Variants in MDFIC observed in about 807,000 individuals in gnomAD.
MDFIC encodes myoD family inhibitor domain-containing protein.
MDFIC carries 17 observed loss-of-function variants against 23.2 expected under a neutral mutation model. The observed-to-expected ratio is 0.73, with a 90% confidence interval of 0.50 to 1.10. The LOEUF is 1.10. Ranked by LOEUF, MDFIC falls within the 50% of genes least tolerant of loss-of-function variation. MDFIC has a pLI of 0.00. For missense variants in MDFIC, 356 were observed against 316.6 expected (o/e 1.12, Z -0.95); for synonymous variants, 120 against 115.2 (o/e 1.04, Z -0.27).
intron 3 of MDFIC, among the ~76,000 whole-genome samples, chr7:114,956,337 T>TTATATATATATACACACACACA (rs1259581716): frequency 7.0e-6 from 1 of 142,188 alleles, no homozygotes; most frequent in Non-Finnish European, 1.6e-5. Context: ...TACATAAATA[T>TTATATATATATACACACACACA]TATATATATA....
intron 3 of MDFIC, among the ~76,000 whole-genome samples, chr7:114,955,713 G>A (rs1792870424): frequency 6.6e-6 from 1 of 152,186 alleles, no homozygotes. Flanking sequence ...TAGTTAAGCT[G>A]TGGTAATTTG....
At chr7:114,962,434 A>G (rs1793012324) in intron 3 of MDFIC, among the ~76,000 whole-genome samples, 1 of 152,230 alleles carries the variant, frequency 6.6e-6, no homozygotes, top group Admixed American at 6.5e-5. Flanking sequence ...CCAGATATAT[A>G]GACATTTAAT....
chr7:115,002,994 T>C (rs1379577224), intron 4 of MDFIC, among the ~76,000 whole-genome samples: 1 of 152,174 alleles, frequency 6.6e-6, no homozygotes, highest in African/African-American at 2.4e-5. Flanking sequence ...CGGTCCCTGT[T>C]CCCTCACTTT....
intron 4 of MDFIC, among the ~76,000 whole-genome samples, chr7:115,005,052 G>T (rs1791542300): frequency 1.3e-5 from 2 of 152,158 alleles, no homozygotes; most frequent in Admixed American, 6.5e-5. Flanking sequence ...CCTGTTCAAG[G>T]CCAAGAAAAT....
chr7:114,983,453 G>A (rs1793452274), intron 4 of MDFIC, among the ~76,000 whole-genome samples: 1 of 151,926 alleles, frequency 6.6e-6, no homozygotes, highest in Non-Finnish European at 1.5e-5. Context: ...ACAGAGGTAG[G>A]GTTTGAACCA....
At chr7:114,991,111 AT>A in intron 4 of MDFIC, among the ~76,000 whole-genome samples, 1 of 151,914 alleles carries the variant, frequency 6.6e-6, no homozygotes, top group East Asian at 1.9e-4. Flanking sequence ...GATGATGAGC[AT>A]TTTTTCATGT....
At position 114,922,616 on chromosome 7, in the gene MDFIC, C is replaced by G. The variant is rs539121032; in HGVS notation, c.-128C>G. The G allele has an allele frequency of 7.8e-6, 10 of 1,279,252 alleles. No homozygotes were observed. The highest frequency in any genetic ancestry group is 4.2e-5 in the Admixed American group (1 of 24,050). 79.2% of individuals were successfully genotyped at this position (1,279,252 alleles called of 1,614,324 possible). ...AGGAGGAGGAGGAAGGGGCTTGGAG[C>G]GACTACGGGGGGATGCGGAGGTAGG... is the stretch of plus-strand genomic sequence containing the variant. On this transcript the variant is annotated 5_prime_UTR_variant, in exon 1 of 5. Coordinates refer to ENST00000393486, the MANE Select transcript of MDFIC (RefSeq NM_001166345.3).
At chr7:114,926,513 C>G (rs1433822484) in intron 2 of MDFIC, among the ~76,000 whole-genome samples, 3 of 152,144 alleles carry the variant, frequency 2.0e-5, no homozygotes, top group Admixed American at 2.0e-4. Context: ...CCCCCAACCC[C>G]CCAAGACATT....
rs558588377 is a variant in MDFIC at position 114,953,718 on chromosome 7, C to T, written c.217+11321C>T. On this transcript the variant is annotated intron_variant, in intron 3 of 4. Coordinates refer to ENST00000393486, the MANE Select transcript of MDFIC (RefSeq NM_001166345.3). ...TGGTTCCAGGGCCCCTGAGCATACC[C>T]TAATATTCAGATGCTCAGATGCCTT... Among the ~76,000 whole-genome samples, 7 of 152,250 alleles carry T rather than the reference C, an allele frequency of 4.6e-5. No homozygotes were observed. In the South Asian group the frequency reaches 1.5e-3, roughly 32 times the overall value.
chr7:114,987,852 T>C (rs1449695156), intron 4 of MDFIC, among the ~76,000 whole-genome samples: 1 of 152,178 alleles, frequency 6.6e-6, no homozygotes, highest in Non-Finnish European at 1.5e-5. Context: ...ATAGTAAGTG[T>C]TTCTGTAGGG....
chr7:114,956,009 T>C (rs1334166524), intron 3 of MDFIC, among the ~76,000 whole-genome samples: 1 of 152,120 alleles, frequency 6.6e-6, no homozygotes, highest in Admixed American at 6.6e-5. Context: ...GCATACACCC[T>C]TAACCCTAGA....
At chr7:114,999,865 A>G (rs1791425509) in intron 4 of MDFIC, among the ~76,000 whole-genome samples, 1 of 152,166 alleles carries the variant, frequency 6.6e-6, no homozygotes, top group African/African-American at 2.4e-5. Context: ...TCAATTATAC[A>G]TATAGGCAAT....
chr7:114,931,112 A>C (rs1246326944), intron 2 of MDFIC, among the ~76,000 whole-genome samples: 8 of 152,090 alleles, frequency 5.3e-5, no homozygotes, highest in Admixed American at 5.2e-4. Context: ...CACTTTATTG[A>C]AGTTACTTAA....
chr7:114,950,138 A>C (rs1306860823), intron 3 of MDFIC, among the ~76,000 whole-genome samples: 5 of 152,174 alleles, frequency 3.3e-5, no homozygotes, highest in African/African-American at 1.2e-4. Flanking sequence ...CTCTGGAAAT[A>C]GTGAGAAAAT....
At chr7:114,994,216 A>G (rs1488590315) in intron 4 of MDFIC, among the ~76,000 whole-genome samples, 3 of 151,980 alleles carry the variant, frequency 2.0e-5, no homozygotes, top group South Asian at 2.1e-4. Context: ...ATCTTCCTCC[A>G]TCCCTTTATT....
chr7:114,962,298 A>C (rs572185977), intron 3 of MDFIC, among the ~76,000 whole-genome samples: 1 of 152,340 alleles, frequency 6.6e-6, no homozygotes, highest in South Asian at 2.1e-4. Flanking sequence ...CAACTTTTGA[A>C]AATGATCTTT....
intron 3 of MDFIC, among the ~76,000 whole-genome samples, chr7:114,946,879 G>C (rs887556629): frequency 1.3e-5 from 2 of 152,078 alleles, no homozygotes; most frequent in Non-Finnish European, 2.9e-5. Context: ...CCTAGCCTTT[G>C]CCAACTTAAT....
rs1260260240 is a variant in MDFIC at position 114,957,198 on chromosome 7, T to C, written c.217+14801T>C. Among the ~76,000 whole-genome samples, 3 of 152,208 alleles carry C rather than the reference T, an allele frequency of 2.0e-5. No individual in the cohort carries two copies. The East Asian group carries it at 5.8e-4, about 29-fold the overall frequency. On this transcript the variant is annotated intron_variant, in intron 3 of 4. Transcript: ENST00000393486. Reference sequence around the variant, plus strand: ...AAATTATTTATCTTAGGATTCTTGATATATTACATCGAAATCAAGGTTTAT... The same window carrying C: ...AAATTATTTATCTTAGGATTCTTGACATATTACATCGAAATCAAGGTTTAT...
intron 4 of MDFIC, among the ~76,000 whole-genome samples, chr7:114,980,795 A>G (rs769239077): frequency 6.6e-6 from 1 of 152,310 alleles, no homozygotes; most frequent in South Asian, 2.1e-4. Flanking sequence ...GAAGTTGGTC[A>G]TGCTTATTCA....
Sources: gnomAD v4.1 joint callset for allele counts (sites outside exome capture counted in the v4.1 genomes callset) on GRCh38, gnomAD v4.1.1 for gene constraint, MANE v1.5 for transcripts, NCBI Gene and HGNC (gene_info 2026-07-23, HGNC 2026-07-21) for gene names.